SPTB: variants seen among roughly 807,000 people sequenced by gnomAD.
SPTB encodes spectrin beta, erythrocytic.
In SPTB, 45 loss-of-function variants were observed where a neutral mutation model predicts 256.2. The ratio of observed to expected loss-of-function variants is 0.18; its 90% CI spans 0.14 to 0.23. SPTB has a LOEUF of 0.23. SPTB is among the 10% of genes least tolerant of loss of function. SPTB has a pLI of 1.00. For synonymous variants in SPTB, 1,231 were observed against 1,243.1 expected, an observed-to-expected ratio of 0.99 and a Z score of 0.21; for missense variants, 2,715 against 3,040.4, an observed-to-expected ratio of 0.89 and a Z score of 2.52.
intron 9 of SPTB, 21 bp downstream of exon 9, chr14:64,799,726 C>T: frequency 6.2e-7 from 1 of 1,613,798 alleles, no homozygotes; most frequent in Non-Finnish European, 8.5e-7. Flanking sequence ...GGACCACCCT[C>T]CCATGTGCCA....
At chr14:64,837,562 A>G (rs960424543) in intron 1 of SPTB, among the ~76,000 whole-genome samples, 4 of 152,186 alleles carry the variant, frequency 2.6e-5, no homozygotes, top group African/African-American at 9.7e-5. Context: ...AAATCCCAGG[A>G]GAACTTTTTT....
chr14:64,795,911 C>G lies in SPTB; in HGVS notation c.1342-272G>C, dbSNP rs542761393. 3.3e-5 allele frequency among the ~76,000 whole-genome samples: 5 copies of G among 152,290 alleles called. No individual in the cohort carries two copies. The highest frequency in any genetic ancestry group is 2.1e-4 in the South Asian group (1 of 4,820). ...AGCCTGCGTGTTACTAATGGAGCCC[C>G]TTGGCAGCCTGCTGGCACTCCCCAC... On this transcript the variant is annotated intron_variant, in intron 11 of 35. Coordinates refer to ENST00000644917, the MANE Select transcript of SPTB (RefSeq NM_001355436.2). This position sits in a 1 kb window ranked among gnomAD's most constrained non-coding sequence, Gnocchi z 6.5.
chr14:64,758,000 T>C (rs2082039041), intron 32 of SPTB, among the ~76,000 whole-genome samples: 1 of 152,144 alleles, frequency 6.6e-6, no homozygotes, highest in Admixed American at 6.5e-5. Flanking sequence ...TGAGAGTCCC[T>C]GGAATTCCAT....
intron 1 of SPTB, among the ~76,000 whole-genome samples, chr14:64,832,402 T>C (rs1015113536): frequency 6.6e-6 from 1 of 152,216 alleles, no homozygotes; most frequent in African/African-American, 2.4e-5. Context: ...TGGCCCTTCC[T>C]CCTTTGCCTG....
intron 2 of SPTB, among the ~76,000 whole-genome samples, chr14:64,809,884 G>A (rs1011412302): frequency 1.3e-5 from 2 of 152,238 alleles, no homozygotes; most frequent in South Asian, 4.1e-4. Context: ...GGAAAGGCAT[G>A]CTGAGGTCTT....
In SPTB at chr14:64,797,467, C is replaced by CAAAAAAAAAAAAAAAAA. The variant is rs57385615; in HGVS notation, c.1182+245_1182+261dup. Among the ~76,000 whole-genome samples, 2 of 30,978 alleles carry CAAAAAAAAAAAAAAAAA rather than the reference C, an allele frequency of 6.5e-5. 1 individual carries two copies. The highest frequency in any genetic ancestry group is 1.1e-4 in the Non-Finnish European group (2 of 17,554). 20.3% of individuals were successfully genotyped at this position (30,978 alleles called of 152,430 possible). A position where few individuals can be genotyped will look rare whatever the true frequency, so the allele number is the denominator to read the frequency against. Reference sequence around the variant, plus strand: ...GGGTGACAGAGTGAGACCCTGTCTCCAAAAAAAAAAAAAAAAAAAAAAAAA... The same window carrying CAAAAAAAAAAAAAAAAA: ...GGGTGACAGAGTGAGACCCTGTCTCCAAAAAAAAAAAAAAAAAAAAAAAAAAAAAAAAAAAAAAAAAA... On this transcript the variant is annotated intron_variant, in intron 10 of 35. Coordinates refer to ENST00000644917, the MANE Select transcript of SPTB (RefSeq NM_001355436.2).
intron 1 of SPTB, among the ~76,000 whole-genome samples, chr14:64,876,745 TTTTC>T (rs1443669982): frequency 2.0e-5 from 3 of 152,308 alleles, no homozygotes; most frequent in East Asian, 1.9e-4. Context: ...CCTCAGTACC[TTTTC>T]TTTAAGATTG....
chr14:64,787,464 C>G (rs1366282545), intron 15 of SPTB, among the ~76,000 whole-genome samples: 4 of 152,150 alleles, frequency 2.6e-5, no homozygotes, highest in Admixed American at 6.5e-5. Context: ...AGTTGGAGTT[C>G]AGGCAAATAT....
At chr14:64,781,343 C>T (rs1405325404) in intron 20 of SPTB, among the ~76,000 whole-genome samples, 1 of 152,134 alleles carries the variant, frequency 6.6e-6, no homozygotes, top group Non-Finnish European at 1.5e-5. Flanking sequence ...GTCTAATATC[C>T]TGCATCTATA....
chr14:64,842,616 C>A (rs981392316), intron 1 of SPTB, among the ~76,000 whole-genome samples: 1 of 152,208 alleles, frequency 6.6e-6, no homozygotes, highest in Admixed American at 6.5e-5. Flanking sequence ...TCCTTAATAG[C>A]GTGTCAGACA....
chr14:64,768,984 C>T, intron 29 of SPTB, 50 bp downstream of exon 29: 1 of 1,464,990 alleles, frequency 6.8e-7, no homozygotes, highest in Non-Finnish European at 9.5e-7. Context: ...TTCCCCTACT[C>T]CTGCGGGGGT....
chr14:64,810,645 G>T (rs1213755658), intron 2 of SPTB, among the ~76,000 whole-genome samples: 1 of 152,122 alleles, frequency 6.6e-6, no homozygotes, highest in Non-Finnish European at 1.5e-5. Flanking sequence ...CCACCACTGT[G>T]CTCCAGCCTG....
At chr14:64,815,701 G>A (rs984347373) in intron 2 of SPTB, among the ~76,000 whole-genome samples, 4 of 152,158 alleles carry the variant, frequency 2.6e-5, no homozygotes, top group East Asian at 1.9e-4. Context: ...GAGAAGCGCC[G>A]ATTTGCTGAA....
intron 18 of SPTB, among the ~76,000 whole-genome samples, chr14:64,784,715 C>T (rs1348593001): frequency 6.6e-6 from 1 of 152,204 alleles, no homozygotes; most frequent in East Asian, 1.9e-4. Context: ...CGAGTGTTTA[C>T]TGGATAGGTG....
chr14:64,799,950 C>T lies in SPTB; in HGVS notation c.877-16G>A. The T allele has an allele frequency of 6.2e-7, 1 of 1,613,824 alleles. No individual in the cohort carries two copies. The highest frequency in any genetic ancestry group is 8.5e-7 in the Non-Finnish European group (1 of 1,179,956). ...GGTCAATAACCTAAGGAATCATCTT[C>T]TTACTTATTCTCATCAGAAGGGCAA... On this transcript the variant is annotated splice_polypyrimidine_tract_variant and intron_variant, in intron 8 of 35. Transcript: ENST00000644917.
At chr14:64,870,338 AG>A in intron 1 of SPTB, among the ~76,000 whole-genome samples, 1 of 152,242 alleles carries the variant, frequency 6.6e-6, no homozygotes, top group Admixed American at 6.5e-5. Context: ...TCAGAGAAAG[AG>A]GAAGTTCTTC....
chr14:64,769,868 G>A, intron 27 of SPTB, 140 bp from the exon 28 acceptor site: 2 of 1,142,068 alleles, frequency 1.8e-6, no homozygotes, highest in Non-Finnish European at 2.6e-6. Context: ...CAGCCAGGGG[G>A]TCCTCCGCCA....
At chr14:64,834,950 C>G (rs1288782384) in intron 1 of SPTB, among the ~76,000 whole-genome samples, 1 of 152,154 alleles carries the variant, frequency 6.6e-6, no homozygotes, top group Non-Finnish European at 1.5e-5. Context: ...GCCTCACAAA[C>G]AAAAAGAGCT....
At chr14:64,877,937 G>T (rs960510499) in intron 1 of SPTB, among the ~76,000 whole-genome samples, 3 of 152,206 alleles carry the variant, frequency 2.0e-5, no homozygotes, top group Non-Finnish European at 4.4e-5. Context: ...ATTGATCAGA[G>T]CCAAAGGTGG....
Sources: allele counts gnomAD v4.1 joint callset (sites outside exome capture counted in the v4.1 genomes callset), GRCh38; gene constraint gnomAD v4.1.1; non-coding constraint Gnocchi (gnomAD v3.1); transcripts MANE v1.5; gene names NCBI Gene and HGNC (gene_info 2026-07-23, HGNC 2026-07-21).